Variants in HNRNPA2B1 observed in about 807,000 individuals in gnomAD.
HNRNPA2B1 encodes the protein heterogeneous nuclear ribonucleoprotein A2/B1.
HNRNPA2B1 carries 3 observed loss-of-function variants against 46.3 expected under a neutral mutation model. The observed-to-expected ratio is 0.06, with a 90% CI of 0.03 to 0.17. HNRNPA2B1 has a LOEUF of 0.17. Among genes scored for constraint, HNRNPA2B1 ranks in the 10% least tolerant of loss-of-function variants. The pLI is 1.00. For synonymous variants in HNRNPA2B1, 225 were observed against 133.8 expected (o/e 1.68, Z -4.70); for missense variants, 221 against 418.9 (o/e 0.53, Z 4.12).
intron 1 of HNRNPA2B1, chr7:26,200,278 A>T (rs1448036501): frequency 2.1e-6 from 1 of 474,226 alleles, no homozygotes; most frequent in Non-Finnish European, 3.8e-6. Context: ...AGGGAATAAG[A>T]ATTCCCGCCT....
At chr7:26,198,059 A>G in intron 1 of HNRNPA2B1, 1 of 415,598 alleles carries the variant, frequency 2.4e-6, no homozygotes. Flanking sequence ...AAAAATAAAC[A>G]AATGTAGACC....
Position 26,191,354 on chromosome 7 carries a change from C to A in HNRNPA2B1, c.*1006G>T, listed in dbSNP as rs1782902854. 6.6e-6 allele frequency: 1 copy of A among 151,892 alleles called. No homozygotes were observed. The highest frequency in any genetic ancestry group is 1.5e-5 in the Non-Finnish European group (1 of 67,934). The allele number at this position is 151,892 out of a possible 1,614,324, so 9.4% of individuals were successfully genotyped here. A position where few individuals can be genotyped will look rare whatever the true frequency, so the allele number is the denominator to read the frequency against. On this transcript the variant is annotated 3_prime_UTR_variant, in exon 11 of 11. Coordinates refer to ENST00000618183, the MANE Select transcript of HNRNPA2B1 (RefSeq NM_002137.4). ...ACGTAAGAACCACTATACTGAAAGA[C>A]CATTTAAGAGTATTAGTTTATCTTT...
intron 1 of HNRNPA2B1, chr7:26,199,047 ATAGT>A (rs1319458464): frequency 1.2e-4 from 18 of 152,240 alleles, no homozygotes; most frequent in African/African-American, 1.9e-4. Flanking sequence ...ACTTGTCACG[ATAGT>A]TATTTTCATT....
chr7:26,192,512 A>G lies in HNRNPA2B1; in HGVS notation c.*4T>C. 3.7e-6 allele frequency: 6 copies of G among 1,610,710 alleles called. No homozygotes were observed. The highest frequency in any genetic ancestry group is 5.1e-6 in the Non-Finnish European group (6 of 1,176,868). On this transcript the variant is annotated 3_prime_UTR_variant, in exon 10 of 11. Coordinates refer to ENST00000618183, the MANE Select transcript of HNRNPA2B1 (RefSeq NM_002137.4). Reference sequence around the variant, plus strand: ...CTACTTACCCATGGCAAATAGGAAGAAGCTCAGTATCGGCTCCTCCCACCA... The same window carrying G: ...CTACTTACCCATGGCAAATAGGAAGGAGCTCAGTATCGGCTCCTCCCACCA...
chr7:26,197,199 C>T lies in HNRNPA2B1; in HGVS notation c.264+116G>A, dbSNP rs893036059. 4.6e-6 allele frequency: 6 copies of T among 1,310,646 alleles called. No individual in the cohort carries two copies. The Middle Eastern group carries it at 5.8e-4, about 127-fold the overall frequency. The allele number at this position is 1,310,646 out of a possible 1,614,324, so 81.2% of individuals were successfully genotyped here. A position where few individuals can be genotyped will look rare whatever the true frequency, so the allele number is the denominator to read the frequency against. On this transcript the variant is annotated intron_variant, in intron 3 of 10. Transcript: ENST00000618183. ...TTAAGAAAATGGTCCAGAAACCCAA[C>T]ACACCTTTAATAAGAGAAAAAATCT...
At position 26,191,909 on chromosome 7, in the gene HNRNPA2B1, T is replaced by G. The variant is rs1041652119; in HGVS notation, c.*451A>C. The stretch of plus-strand genomic sequence containing the variant: ...AGCTTCTTAACTCTACACACGCACT[T>G]AAATTTTTTTAAAGGAAAAACGTTA... On this transcript the variant is annotated 3_prime_UTR_variant, in exon 11 of 11. Coordinates refer to ENST00000618183, the MANE Select transcript of HNRNPA2B1 (RefSeq NM_002137.4). 1 of 152,656 alleles carries G rather than the reference T, an allele frequency of 6.6e-6. No homozygotes were observed. The highest frequency in any genetic ancestry group is 1.5e-5 in the Non-Finnish European group (1 of 68,044). 9.5% of individuals were successfully genotyped at this position (152,656 alleles called of 1,614,324 possible). A position where few individuals can be genotyped will look rare whatever the true frequency, so the allele number is the denominator to read the frequency against.
chr7:26,199,704 G>C (rs1392965688), intron 1 of HNRNPA2B1: 2 of 152,078 alleles, frequency 1.3e-5, no homozygotes, highest in African/African-American at 2.4e-5. Context: ...TTTTGCCGCG[G>C]TTCATCTGTC....
At chr7:26,200,312 G>A (rs1008957127) in intron 1 of HNRNPA2B1, 1 of 542,858 alleles carries the variant, frequency 1.8e-6, no homozygotes, top group Non-Finnish European at 3.3e-6. Context: ...TCACCCCAGC[G>A]GGGCAGCGTC....
chr7:26,198,567 G>C (rs1439082653), intron 1 of HNRNPA2B1: 2 of 152,230 alleles, frequency 1.3e-5, no homozygotes, highest in African/African-American at 2.4e-5. Context: ...GAAAGCTGAA[G>C]CTTACTTGAT....
intron 1 of HNRNPA2B1, 191 bp from the exon 2 acceptor site, chr7:26,197,923 AGTTGT>A (rs1359866316): frequency 2.2e-6 from 3 of 1,366,448 alleles, no homozygotes; most frequent in Non-Finnish European, 3.0e-6. Flanking sequence ...ACTGCATATT[AGTTGT>A]GTTACACCAA....
chr7:26,198,226 A>C (rs565196106), intron 1 of HNRNPA2B1: 1 of 174,806 alleles, frequency 5.7e-6, no homozygotes, highest in South Asian at 1.8e-4. Flanking sequence ...GAAAAGTATC[A>C]TTTATTTTCC....
At chr7:26,193,548 CAT>C (rs769315163) in intron 8 of HNRNPA2B1, 25 bp downstream of exon 8, 45 of 1,571,442 alleles carry the variant, frequency 2.9e-5, no homozygotes, top group Non-Finnish European at 3.9e-5. Context: ...CAAATTCCCA[CAT>C]AAAGGTTGCA....
intron 1 of HNRNPA2B1, chr7:26,199,532 G>C (rs1340261672): frequency 1.3e-5 from 2 of 152,168 alleles, no homozygotes; most frequent in African/African-American, 4.8e-5. Flanking sequence ...TCCCGTAAGG[G>C]TTAAACTTCT....
chr7:26,198,356 T>C (rs1193903806), intron 1 of HNRNPA2B1: 2 of 152,564 alleles, frequency 1.3e-5, no homozygotes, highest in African/African-American at 4.8e-5. Context: ...AAGATATGCA[T>C]TAGAAATAAC....
intron 1 of HNRNPA2B1, 111 bp from the exon 2 acceptor site, chr7:26,197,843 C>G (rs1355307327): frequency 6.2e-7 from 1 of 1,601,078 alleles, no homozygotes; most frequent in Non-Finnish European, 8.5e-7. Context: ...TTTTCCTCTC[C>G]AAAGGAACAG....
chr7:26,200,151 C>A, intron 1 of HNRNPA2B1: 1 of 216,002 alleles, frequency 4.6e-6, no homozygotes, highest in Non-Finnish European at 9.5e-6. Context: ...GCCGCCAAAT[C>A]CGGTTCCCGG....
intron 2 of HNRNPA2B1, 36 bp downstream of exon 2, chr7:26,197,586 G>A (rs1057118552): frequency 7.0e-6 from 11 of 1,569,872 alleles, no homozygotes; most frequent in Admixed American, 1.7e-5. Context: ...ACAGCTAAAA[G>A]ACTAATATCC....
At chr7:26,196,264 G>A (rs755409956) in intron 6 of HNRNPA2B1, 137 bp downstream of exon 6, 28 of 703,912 alleles carry the variant, frequency 4.0e-5, no homozygotes, top group Non-Finnish European at 6.4e-5. Flanking sequence ...AATCACAAGA[G>A]CTTGCCAGGA....
chr7:26,197,151 T>C, intron 3 of HNRNPA2B1, 134 bp from the exon 4 acceptor site: 1 of 1,131,474 alleles, frequency 8.8e-7, no homozygotes, highest in Non-Finnish European at 1.3e-6. Context: ...TTTAGGGACC[T>C]AGCTTTTGAA....
Sources: allele counts gnomAD v4.1 joint callset, GRCh38; gene constraint gnomAD v4.1.1; transcripts MANE v1.5; gene names NCBI Gene and HGNC (gene_info 2026-07-23, HGNC 2026-07-21).